LARP4B: variants seen among roughly 807,000 people sequenced by gnomAD.
LARP4B encodes the protein La ribonucleoprotein 4B.
LARP4B carries 12 observed loss-of-function variants against 89.8 expected under a neutral mutation model. The observed-to-expected ratio is 0.13, with a 90% CI of 0.09 to 0.22. The LOEUF (loss-of-function observed/expected upper bound fraction) is 0.22, where lower values mean the gene tolerates loss of function less well. Among genes scored for constraint, LARP4B ranks in the 10% least tolerant of loss-of-function variants. The probability of loss-of-function intolerance (pLI) is 1.00; values close to 1 mark genes in which losing one functional copy is unlikely to be tolerated. For synonymous variants in LARP4B, 367 were observed against 363.3 expected (o/e 1.01, Z -0.12); for missense variants, 757 against 947.7 (o/e 0.80, Z 2.64).
chr10:823,822 T>C (rs1832479674), intron 13 of LARP4B, among the ~76,000 whole-genome samples: 1 of 152,154 alleles, frequency 6.6e-6, no homozygotes, highest in Non-Finnish European at 1.5e-5. Flanking sequence ...GGGCCCCTTT[T>C]GGCTTTGCAT....
At chr10:981,719 G>T in the LARP4B span, among the ~76,000 whole-genome samples, 3 of 152,136 alleles carry the variant, frequency 2.0e-5, no homozygotes, top group Non-Finnish European at 4.4e-5. Context: ...ACAGGCGCCT[G>T]CCACTGTGCC....
At chr10:873,983 G>A (rs1835351178) in intron 3 of LARP4B, among the ~76,000 whole-genome samples, 1 of 152,200 alleles carries the variant, frequency 6.6e-6, no homozygotes, top group South Asian at 2.1e-4. Context: ...TGTAATCCCA[G>A]CACTTTGGGA....
At chr10:834,401 A>G (rs1218739806) in intron 8 of LARP4B, among the ~76,000 whole-genome samples, 1 of 152,192 alleles carries the variant, frequency 6.6e-6, no homozygotes, top group Non-Finnish European at 1.5e-5. Flanking sequence ...GGAAAATCCT[A>G]TTTTTAAGAA....
the LARP4B span, among the ~76,000 whole-genome samples, chr10:951,430 C>A: frequency 6.6e-6 from 1 of 151,920 alleles, no homozygotes; most frequent in Non-Finnish European, 1.5e-5. Flanking sequence ...TGCCTGTAAT[C>A]CCAACTCGAG....
chr10:936,494 T>C (rs1003017270), upstream of LARP4B, among the ~76,000 whole-genome samples: 1 of 151,938 alleles, frequency 6.6e-6, no homozygotes, highest in Non-Finnish European at 1.5e-5. Context: ...CCGAGGCGGG[T>C]GTATCATCTA....
the LARP4B span, among the ~76,000 whole-genome samples, chr10:978,458 G>T: frequency 6.6e-6 from 1 of 151,776 alleles, no homozygotes; most frequent in Non-Finnish European, 1.5e-5. Context: ...CCATTTTTTT[G>T]TTTCTTTTCA....
At chr10:873,179 G>A in intron 3 of LARP4B, 2 of 984,714 alleles carry the variant, frequency 2.0e-6, no homozygotes, top group Non-Finnish European at 2.4e-6. Flanking sequence ...CAGGCGTGCT[G>A]GTCCCAAGCC....
intron 1 of LARP4B, chr10:903,570 T>C (rs1171963242): frequency 1.3e-5 from 2 of 152,198 alleles, no homozygotes; most frequent in East Asian, 1.9e-4. Flanking sequence ...AGCATGGGCA[T>C]ACACCTGAAC....
chr10:839,556 C>T (rs1208089579), intron 7 of LARP4B, among the ~76,000 whole-genome samples: 1 of 152,188 alleles, frequency 6.6e-6, no homozygotes, highest in Non-Finnish European at 1.5e-5. Context: ...TGCTCAACTT[C>T]ATTAATCATT....
At chr10:979,636 T>C in the LARP4B span, among the ~76,000 whole-genome samples, 2 of 152,228 alleles carry the variant, frequency 1.3e-5, no homozygotes, top group Admixed American at 6.5e-5. Flanking sequence ...GGGTCCTTTG[T>C]CATCCTTTGT....
chr10:960,259 G>C, the LARP4B span, among the ~76,000 whole-genome samples: 19 of 152,262 alleles, frequency 1.2e-4, 1 homozygote, highest in South Asian at 3.9e-3. Flanking sequence ...GAGAGGGGGA[G>C]CACAGAGGAT....
intron 13 of LARP4B, among the ~76,000 whole-genome samples, chr10:821,647 T>A (rs1191295750): frequency 6.6e-6 from 1 of 152,246 alleles, no homozygotes; most frequent in Non-Finnish European, 1.5e-5. Flanking sequence ...TTGTATTACA[T>A]AACCTGGAAA....
chr10:866,888 G>A (rs1834920620), intron 3 of LARP4B, among the ~76,000 whole-genome samples: 1 of 152,184 alleles, frequency 6.6e-6, no homozygotes, highest in Non-Finnish European at 1.5e-5. Context: ...GGGCTCCCGT[G>A]GCCCTCGTGT....
chr10:834,416 A>G (rs1473144253), intron 8 of LARP4B, among the ~76,000 whole-genome samples: 6 of 152,244 alleles, frequency 3.9e-5, no homozygotes, highest in African/African-American at 1.4e-4. Flanking sequence ...TAAGAAAATC[A>G]GAATCAGTAT....
chr10:839,791 T>G (rs1283936850), intron 7 of LARP4B, among the ~76,000 whole-genome samples: 2 of 152,176 alleles, frequency 1.3e-5, no homozygotes, highest in Admixed American at 1.3e-4. Flanking sequence ...ATTCCACTTG[T>G]GGCTATTTAC....
At chr10:833,271 AAAAAAAAAAAAAAC>A (rs1215357965) in intron 8 of LARP4B, among the ~76,000 whole-genome samples, 1 of 149,294 alleles carries the variant, frequency 6.7e-6, no homozygotes, top group Non-Finnish European at 1.5e-5. Flanking sequence ...AAAAAAAAAA[AAAAAAAAAAAAAAC>A]CTCAAAATGT....
intron 5 of LARP4B, among the ~76,000 whole-genome samples, chr10:852,813 C>T (rs775568965): frequency 6.6e-6 from 1 of 152,130 alleles, no homozygotes; most frequent in Non-Finnish European, 1.5e-5. Context: ...AAAATGAATG[C>T]TTTGATATAC....
upstream of LARP4B, among the ~76,000 whole-genome samples, chr10:935,730 T>TC (rs1419172463): frequency 0.011 from 1,507 of 141,002 alleles, 16 homozygotes; most frequent in African/African-American, 0.037. Flanking sequence ...TTCTTTTTTT[T>TC]TTTTTTTTTT....
At position 810,379 on chromosome 10, in the gene LARP4B, G is replaced by A. The variant is rs1241250028; in HGVS notation, c.*2547C>T. ...AAAGGATGCTATAAAAATCACCTCC[G>A]AGCAACGTTTCAGTTCTTGATGCAG... On this transcript the variant is annotated 3_prime_UTR_variant, in exon 18 of 18. Transcript: ENST00000316157. The A allele has an allele frequency of 6.6e-6, 1 of 152,252 alleles. No homozygotes were observed. The highest frequency in any genetic ancestry group is 1.9e-4 in the East Asian group (1 of 5,176). 9.4% of individuals were successfully genotyped at this position (152,252 alleles called of 1,614,324 possible).
Sources: gnomAD v4.1 joint callset for allele counts (sites outside exome capture counted in the v4.1 genomes callset) on GRCh38, gnomAD v4.1.1 for gene constraint, MANE v1.5 for transcripts, NCBI Gene and HGNC (gene_info 2026-07-23, HGNC 2026-07-21) for gene names.